The following GNAQ variants were observed in gnomAD, a reference collection of about 807,000 sequenced individuals.
The protein encoded by GNAQ is G protein subunit alpha q.
In GNAQ, 8 loss-of-function variants were observed where a neutral mutation model predicts 43.9. That is an observed-to-expected ratio of 0.18 (90% confidence interval 0.11 to 0.33). The LOEUF is 0.33. GNAQ is among the 10% of genes least tolerant of loss of function. The pLI, the probability that GNAQ is intolerant of heterozygous loss-of-function variation, is 1.00. For missense variants in GNAQ, 158 were observed against 450.8 expected, an observed-to-expected ratio of 0.35 and a Z score of 5.88; for synonymous variants, 155 against 170.7, an observed-to-expected ratio of 0.91 and a Z score of 0.71.
At chr9:77,988,278 A>G (rs1823467341) in intron 1 of GNAQ, among the ~76,000 whole-genome samples, 1 of 152,242 alleles carries the variant, frequency 6.6e-6, no homozygotes, top group Non-Finnish European at 1.5e-5. Context: ...CAGTTGCTTT[A>G]TGCTTTAGCA....
At chr9:77,914,712 A>G (rs1378757904) in intron 2 of GNAQ, among the ~76,000 whole-genome samples, 1 of 151,916 alleles carries the variant, frequency 6.6e-6, no homozygotes, top group Non-Finnish European at 1.5e-5. Context: ...TAGAAGCAGG[A>G]GTAGAAAGTT....
At chr9:77,749,813 C>T (rs984617139) in intron 5 of GNAQ, among the ~76,000 whole-genome samples, 4 of 152,114 alleles carry the variant, frequency 2.6e-5, no homozygotes, top group African/African-American at 9.7e-5. Context: ...ATTCTCAATT[C>T]CATCCCATCC....
At chr9:77,856,434 CA>C (rs1827755789) in intron 2 of GNAQ, among the ~76,000 whole-genome samples, 3 of 152,148 alleles carry the variant, frequency 2.0e-5, no homozygotes, top group Non-Finnish European at 4.4e-5. Flanking sequence ...TTAACTATTA[CA>C]CATGGATTAA....
intron 1 of GNAQ, among the ~76,000 whole-genome samples, chr9:78,015,382 T>TC (rs1587462140): frequency 6.6e-6 from 1 of 152,312 alleles, no homozygotes; most frequent in East Asian, 1.9e-4. Flanking sequence ...ATCCCCATTG[T>TC]TAAGCAACAC....
At chr9:77,993,596 G>A (rs535243721) in intron 1 of GNAQ, among the ~76,000 whole-genome samples, 73 of 152,072 alleles carry the variant, frequency 4.8e-4, no homozygotes, top group South Asian at 3.9e-3. Flanking sequence ...CAGCTACTCC[G>A]GAGGCTGAGG....
At chr9:77,760,980 C>T (rs1191177963) in intron 5 of GNAQ, among the ~76,000 whole-genome samples, 9 of 151,276 alleles carry the variant, frequency 5.9e-5, no homozygotes, top group South Asian at 2.1e-4. Flanking sequence ...GCAACCGCCC[C>T]GTCTGAGAAG....
chr9:77,934,282 C>T (rs144258531), intron 1 of GNAQ, among the ~76,000 whole-genome samples: 1 of 152,272 alleles, frequency 6.6e-6, no homozygotes, highest in East Asian at 1.9e-4. Flanking sequence ...CATTTTCCCT[C>T]TCTCTATATT....
intron 1 of GNAQ, among the ~76,000 whole-genome samples, chr9:77,965,304 A>G (rs1823153036): frequency 6.6e-6 from 1 of 152,126 alleles, no homozygotes; most frequent in Non-Finnish European, 1.5e-5. Context: ...TCAACTTCCC[A>G]TACAATTAAA....
At chr9:78,028,568 C>G (rs1824010903) in intron 1 of GNAQ, among the ~76,000 whole-genome samples, 1 of 152,174 alleles carries the variant, frequency 6.6e-6, no homozygotes, top group African/African-American at 2.4e-5. Flanking sequence ...CTAAAATTTA[C>G]TTTGAAAACA....
At chr9:77,770,050 AG>A (rs1411499136) in intron 5 of GNAQ, among the ~76,000 whole-genome samples, 1 of 152,170 alleles carries the variant, frequency 6.6e-6, no homozygotes, top group African/African-American at 2.4e-5. Context: ...GATGCACACT[AG>A]TGAATGGTAC....
chr9:77,840,485 C>T (rs7859082), intron 2 of GNAQ, among the ~76,000 whole-genome samples: 13,395 of 151,578 alleles, frequency 0.088, 1,250 homozygotes, highest in East Asian at 0.23. Context: ...TACAGGCATG[C>T]GCCACCACAC....
chr9:77,753,302 C>T (rs1029973348), intron 5 of GNAQ, among the ~76,000 whole-genome samples: 2 of 152,014 alleles, frequency 1.3e-5, no homozygotes, highest in South Asian at 4.2e-4. Context: ...CACACACACA[C>T]CCCCACCCAC....
At chr9:77,955,391 T>C (rs560636210) in intron 1 of GNAQ, among the ~76,000 whole-genome samples, 7 of 152,280 alleles carry the variant, frequency 4.6e-5, no homozygotes, top group Non-Finnish European at 1.0e-4. Context: ...TCCACCTGCC[T>C]CGGCCTCCCA....
intron 1 of GNAQ, among the ~76,000 whole-genome samples, chr9:78,025,355 T>C (rs1823964395): frequency 6.6e-6 from 1 of 152,236 alleles, no homozygotes; most frequent in Non-Finnish European, 1.5e-5. Flanking sequence ...AGAGCAGCTC[T>C]TTCTTTAATG....
At chr9:77,787,157 G>A (rs892996919) in intron 5 of GNAQ, among the ~76,000 whole-genome samples, 3 of 152,106 alleles carry the variant, frequency 2.0e-5, no homozygotes, top group Non-Finnish European at 4.4e-5. Context: ...TACACTACTT[G>A]ATTCTCTTTG....
At chr9:78,003,002 A>T (rs1823662123) in intron 1 of GNAQ, among the ~76,000 whole-genome samples, 1 of 152,216 alleles carries the variant, frequency 6.6e-6, no homozygotes, top group African/African-American at 2.4e-5. Flanking sequence ...CCATATAAGA[A>T]GTTTTCAAAA....
chr9:77,826,911 G>A (rs943580752), intron 2 of GNAQ, among the ~76,000 whole-genome samples: 3 of 152,122 alleles, frequency 2.0e-5, no homozygotes, highest in East Asian at 1.9e-4. Context: ...GTAAAACAAC[G>A]CTTTTGGGTG....
chr9:77,817,731 T>C (rs924515182), intron 2 of GNAQ, among the ~76,000 whole-genome samples: 3 of 152,142 alleles, frequency 2.0e-5, no homozygotes, highest in African/African-American at 7.2e-5. Context: ...AAGAACTTAC[T>C]ATGTCACACA....
chr9:77,977,005 T>C (rs1455127151), intron 1 of GNAQ, among the ~76,000 whole-genome samples: 2 of 152,180 alleles, frequency 1.3e-5, no homozygotes, highest in African/African-American at 2.4e-5. Context: ...AATCAATTCC[T>C]GATAGAGAAA....
Sources: gnomAD v4.1 joint callset for allele counts (sites outside exome capture counted in the v4.1 genomes callset) on GRCh38, gnomAD v4.1.1 for gene constraint, MANE v1.5 for transcripts, NCBI Gene and HGNC (gene_info 2026-07-23, HGNC 2026-07-21) for gene names.